GRHL2: variants seen among roughly 807,000 people sequenced by gnomAD.
GRHL2 encodes grainyhead like transcription factor 2, also known as grainyhead-like protein 2 homolog.
GRHL2 carries 21 observed loss-of-function variants against 83.8 expected under a neutral mutation model. That is an observed-to-expected ratio of 0.25 (90% CI 0.18 to 0.36). The LOEUF is 0.36. Ranked by LOEUF, GRHL2 falls within the 10% of genes least tolerant of loss-of-function variation. The probability of loss-of-function intolerance (pLI) is 1.00; values close to 1 mark genes in which losing one functional copy is unlikely to be tolerated. For synonymous variants in GRHL2, 280 were observed against 278.9 expected (o/e 1.00, Z -0.04); for missense variants, 623 against 781.8 (o/e 0.80, Z 2.42).
intron 1 of GRHL2, among the ~76,000 whole-genome samples, chr8:101,493,557 G>C (rs186841199): frequency 8.5e-5 from 13 of 152,278 alleles, no homozygotes; most frequent in Admixed American, 8.5e-4. Context: ...GGGCCTCGGC[G>C]GGGCGCGAAG....
intron 1 of GRHL2, among the ~76,000 whole-genome samples, chr8:101,510,747 T>A (rs1040022911): frequency 6.6e-6 from 1 of 152,186 alleles, no homozygotes; most frequent in South Asian, 2.1e-4. Context: ...TTCCAGATGT[T>A]TTTCTAGGCA....
chr8:101,627,182 T>G lies in GRHL2; in HGVS notation c.1258-4455T>G, dbSNP rs1476134193. Among the ~76,000 whole-genome samples, 10 of 152,126 alleles carry G rather than the reference T, an allele frequency of 6.6e-5. No homozygotes were observed. The East Asian group carries it at 1.9e-3, about 29-fold the overall frequency. On this transcript the variant is annotated intron_variant, in intron 9 of 15. Coordinates refer to ENST00000646743, the MANE Select transcript of GRHL2 (RefSeq NM_024915.4). ...CTCGTTTTATTGTGCTTTGCTTTAT[T>G]ATGTTTCACAGAAAACAAATTTTTA... is the stretch of plus-strand genomic sequence containing the variant.
chr8:101,628,274 A>T (rs1813118792), intron 9 of GRHL2, among the ~76,000 whole-genome samples: 1 of 152,038 alleles, frequency 6.6e-6, no homozygotes, highest in South Asian at 2.1e-4. Flanking sequence ...CTCATGTACC[A>T]TACCAAAAAT....
At chr8:101,650,343 G>A (rs1303902083) in intron 14 of GRHL2, among the ~76,000 whole-genome samples, 1 of 151,982 alleles carries the variant, frequency 6.6e-6, no homozygotes, top group African/African-American at 2.4e-5. Context: ...GTAGTAATCG[G>A]GACTTCACTC....
chr8:101,545,870 AT>A (rs1174568425), intron 2 of GRHL2, among the ~76,000 whole-genome samples: 316 of 83,590 alleles, frequency 3.8e-3, no homozygotes, highest in African/African-American at 5.0e-3. Context: ...TCTTTGTAAC[AT>A]TTTTTTTTTT....
intron 14 of GRHL2, among the ~76,000 whole-genome samples, chr8:101,653,250 G>A (rs1417333079): frequency 1.3e-5 from 2 of 152,110 alleles, no homozygotes; most frequent in African/African-American, 2.4e-5. Flanking sequence ...TTGTGGGGGG[G>A]CTTATAGTTT....
At chr8:101,567,127 T>C (rs1177933867) in intron 4 of GRHL2, among the ~76,000 whole-genome samples, 1 of 152,230 alleles carries the variant, frequency 6.6e-6, no homozygotes, top group South Asian at 2.1e-4. Context: ...TTACCAGATA[T>C]CTTGTCTTTG....
chr8:101,601,156 TTAAACACACACACA>T (rs1302428901), intron 8 of GRHL2, among the ~76,000 whole-genome samples: 1 of 84,282 alleles, frequency 1.2e-5, no homozygotes, highest in African/African-American at 5.4e-5. Context: ...TGAGACTGTC[TTAAACACACACACA>T]CACACACACA....
chr8:101,517,367 C>T (rs1395893434), intron 1 of GRHL2, among the ~76,000 whole-genome samples: 1 of 152,214 alleles, frequency 6.6e-6, no homozygotes, highest in Non-Finnish European at 1.5e-5. Context: ...ACGCCTCCTT[C>T]CACTCAGCCT....
At chr8:101,577,085 T>TG (rs541421393) in intron 6 of GRHL2, among the ~76,000 whole-genome samples, 76 of 151,760 alleles carry the variant, frequency 5.0e-4, no homozygotes, top group South Asian at 1.3e-3. Context: ...AAAAAAAATT[T>TG]GGGGGGGGTT....
intron 8 of GRHL2, among the ~76,000 whole-genome samples, chr8:101,607,220 T>C (rs377550469): frequency 6.6e-6 from 1 of 152,244 alleles, no homozygotes; most frequent in Non-Finnish European, 1.5e-5. Context: ...TTGATAGTCT[T>C]AACGGATCAT....
rs1814098078 is a variant in GRHL2, at chr8:101,667,528, C to T, written c.*825C>T. ...ATGTTAAGGTGACTGCAGCTGATGC[C>T]AAGATGGACTCTGCAATGGGCATAC... On this transcript the variant is annotated 3_prime_UTR_variant, in exon 16 of 16. Transcript: ENST00000646743. 1 of 152,714 alleles carries T rather than the reference C, an allele frequency of 6.5e-6. No homozygotes were observed. Among genetic ancestry groups the T allele is most frequent in the Middle Eastern group, 3.4e-3 (1 of 294 alleles). 9.5% of individuals were successfully genotyped at this position (152,714 alleles called of 1,614,324 possible).
At chr8:101,525,507 T>C (rs1055980043) in intron 1 of GRHL2, among the ~76,000 whole-genome samples, 5 of 152,182 alleles carry the variant, frequency 3.3e-5, no homozygotes, top group Admixed American at 6.5e-5. Flanking sequence ...TTTATTTCAT[T>C]ATTATGCTTT....
rs1036853926 is a variant in GRHL2, at chr8:101,602,976, G to A, written c.1098+3825G>A. 9.8e-5 allele frequency among the ~76,000 whole-genome samples: 15 copies of A among 152,316 alleles called. 1 individual carries two copies. The highest frequency in any genetic ancestry group is 2.0e-4 in the Admixed American group (3 of 15,302). ...CCTCATGGGGCTGCAGTGGCAGCAG[G>A]CCAGACACTGATTTGTGTCCCCACT... On this transcript the variant is annotated intron_variant, in intron 8 of 15. Transcript: ENST00000646743.
chr8:101,630,416 T>C (rs1216090075), intron 9 of GRHL2, among the ~76,000 whole-genome samples: 2 of 152,232 alleles, frequency 1.3e-5, no homozygotes, highest in Non-Finnish European at 2.9e-5. Flanking sequence ...ATTTGAACCA[T>C]TATTTATATA....
At chr8:101,596,132 T>TAA (rs35255628) in intron 7 of GRHL2, among the ~76,000 whole-genome samples, 19 of 151,200 alleles carry the variant, frequency 1.3e-4, no homozygotes, top group East Asian at 3.9e-4. Flanking sequence ...AAAATAAAAA[T>TAA]AAAAAAAATA....
intron 1 of GRHL2, among the ~76,000 whole-genome samples, chr8:101,527,568 T>G (rs1306182664): frequency 6.6e-6 from 1 of 152,200 alleles, no homozygotes; most frequent in East Asian, 1.9e-4. Flanking sequence ...TGGTATTATA[T>G]TTAAGAATTC....
chr8:101,626,272 A>G (rs1813077694), intron 9 of GRHL2, among the ~76,000 whole-genome samples: 1 of 152,068 alleles, frequency 6.6e-6, no homozygotes, highest in Non-Finnish European at 1.5e-5. Context: ...TAATCAATCA[A>G]TTAATCAATT....
At chr8:101,522,756 C>G (rs55782649) in intron 1 of GRHL2, among the ~76,000 whole-genome samples, 1 of 111,538 alleles carries the variant, frequency 9.0e-6, no homozygotes, top group African/African-American at 4.1e-5. Flanking sequence ...TATATACACA[C>G]ACATATACAT....
Sources: gnomAD v4.1 joint callset for allele counts (sites outside exome capture counted in the v4.1 genomes callset) on GRCh38, gnomAD v4.1.1 for gene constraint, MANE v1.5 for transcripts, NCBI Gene and HGNC (gene_info 2026-07-23, HGNC 2026-07-21) for gene names.